The following SERPINA9 variants were observed in gnomAD, a reference collection of about 807,000 sequenced individuals.
The protein encoded by SERPINA9 is serpin family A member 9, also known as serpin A9.
A neutral mutation model predicts 24.5 loss-of-function variants in SERPINA9; 32 were observed. That is an observed-to-expected ratio of 1.30 (90% CI 0.98 to 1.75). The LOEUF (loss-of-function observed/expected upper bound fraction) is 1.75. Ranked by LOEUF, SERPINA9 falls within the 40% of genes most tolerant of loss-of-function variation. The pLI is 0.00. For synonymous variants in SERPINA9, 233 were observed against 197.7 expected (o/e 1.18, Z -1.50); for missense variants, 594 against 497.1 (o/e 1.19, Z -1.85).
chr14:94,475,899 G>C (rs186094640), intron 1 of SERPINA9: 2 of 563,358 alleles, frequency 3.6e-6, no homozygotes, highest in Non-Finnish European at 6.3e-6. Context: ...CAAGAGCTGT[G>C]TATTCATGGT....
At position 94,469,475 on chromosome 14, in the gene SERPINA9, A is replaced by G. The variant is rs1445019420; in HGVS notation, c.366T>C (p.Thr122=). 1.2e-6 allele frequency: 2 copies of G among 1,614,066 alleles called. No homozygotes were observed. The highest frequency in any genetic ancestry group is 2.7e-5 in the African/African-American group (2 of 74,926). The change falls in exon 2 of 5, where the codon ACT becomes ACC. Residue 122 remains threonine, a synonymous_variant. Coordinates refer to ENST00000674397, the MANE Select transcript of SERPINA9 (RefSeq NM_175739.4). ...TCAAGGTCAGGTCTTTGCTGGGAAC[A>G]GTCAGTGAGTGAACCAGGTGCTGGA... is the stretch of plus-strand genomic sequence containing the variant. The part of the protein sequence containing the change: ...QGFQHLVHSL[T]VPSKDLTLKM...
At chr14:94,467,995 G>C (rs1416480459) in intron 2 of SERPINA9, among the ~76,000 whole-genome samples, 1 of 150,828 alleles carries the variant, frequency 6.6e-6, no homozygotes, top group African/African-American at 2.4e-5. Context: ...TTTGCTGGAT[G>C]GGTAGATGAA....
intron 2 of SERPINA9, 29 bp from the exon 3 acceptor site, chr14:94,467,411 A>T (rs1899061587): frequency 3.8e-6 from 6 of 1,565,302 alleles, no homozygotes; most frequent in Non-Finnish European, 4.3e-6. Context: ...AGAAGTCTTT[A>T]TGTCAAAGTA....
chr14:94,472,972 G>A lies in SERPINA9; in HGVS notation c.-17-3115C>T, dbSNP rs142370212. 4.4e-4 allele frequency among the ~76,000 whole-genome samples: 67 copies of A among 152,312 alleles called. 1 individual carries two copies. The East Asian group carries it at 0.011, about 25-fold the overall frequency. The stretch of plus-strand genomic sequence containing the variant: ...TGGGGAGCAGGAGAGACCAGCTGCC[G>A]AGAGAGGGGGCCCCATGCAGGGATG... On this transcript the variant is annotated intron_variant, in intron 1 of 4. Transcript: ENST00000674397.
chr14:94,468,850 A>C lies in SERPINA9; in HGVS notation c.628+363T>G, dbSNP rs970609562. ...TGCTTCTTAAACTGGGTTGTCAGAGAGTTCCATGTTTCTTTCTAAAACTTT... is the reference window on the plus strand; with the variant it reads ...TGCTTCTTAAACTGGGTTGTCAGAGCGTTCCATGTTTCTTTCTAAAACTTT... On this transcript the variant is annotated intron_variant, in intron 2 of 4. Coordinates refer to ENST00000674397, the MANE Select transcript of SERPINA9 (RefSeq NM_175739.4). 2.6e-5 allele frequency among the ~76,000 whole-genome samples: 4 copies of C among 152,198 alleles called. No individual in the cohort carries two copies. The East Asian group carries it at 7.7e-4, about 29-fold the overall frequency.
At chr14:94,471,306 A>G (rs1899306408) in intron 1 of SERPINA9, among the ~76,000 whole-genome samples, 1 of 152,154 alleles carries the variant, frequency 6.6e-6, no homozygotes, top group African/African-American at 2.4e-5. Flanking sequence ...TAAGTGAACA[A>G]TTATTTTGCC....
In SERPINA9 at chr14:94,469,534, T is replaced by A; in HGVS notation, c.307A>T (p.Thr103Ser). 6.2e-7 allele frequency: 1 copy of A among 1,614,026 alleles called. No individual in the cohort carries two copies. The highest frequency in any genetic ancestry group is 1.3e-5 in the African/African-American group (1 of 74,992). The change falls in exon 2 of 5, where the codon ACA (threonine) becomes TCA (serine). Residue 103 changes from threonine (T) to serine (S), a missense_variant. Thr to Ser is a moderately conservative substitution (Grantham distance 58). Transcript: ENST00000674397. ...TGGATGGCAGACTCTGGTGTGTGTG[T>A]GAGGTTGAAGCCCAGGCCCTGGAGA... The part of the protein sequence containing the change: ...QILQGLGFNL[T>S]HTPESAIHQG...
chr14:94,470,189 AT>A (rs1452295705), intron 1 of SERPINA9: 1 of 1,050,070 alleles, frequency 9.5e-7, no homozygotes, highest in East Asian at 7.2e-5. Context: ...TCATGGACTT[AT>A]TTTTTAAGAA....
chr14:94,471,060 T>G (rs1370737829), intron 1 of SERPINA9, among the ~76,000 whole-genome samples: 1 of 151,972 alleles, frequency 6.6e-6, no homozygotes, highest in East Asian at 1.9e-4. Flanking sequence ...GGCTTTTCTC[T>G]TCTCACAAAT....
intron 2 of SERPINA9, among the ~76,000 whole-genome samples, chr14:94,467,864 G>A (rs946494853): frequency 1.3e-5 from 2 of 151,922 alleles, no homozygotes; most frequent in African/African-American, 4.8e-5. Context: ...TAGATTAGTG[G>A]ATAGGTGGTT....
intron 3 of SERPINA9, among the ~76,000 whole-genome samples, chr14:94,466,709 C>T (rs1309127953): frequency 6.6e-6 from 1 of 152,162 alleles, no homozygotes; most frequent in African/African-American, 2.4e-5. Context: ...TTTCACCAAC[C>T]TTTGGATTTG....
At chr14:94,475,612 A>G (rs1899573258) in intron 1 of SERPINA9, among the ~76,000 whole-genome samples, 1 of 151,974 alleles carries the variant, frequency 6.6e-6, no homozygotes, top group African/African-American at 2.4e-5. Flanking sequence ...TCCACCAATA[A>G]AGCAGAGGAT....
At chr14:94,476,015 G>C (rs572810238) in intron 1 of SERPINA9, 121 bp downstream of exon 1, 2 of 1,477,148 alleles carry the variant, frequency 1.4e-6, no homozygotes. Context: ...ATGTGTCTAG[G>C]TTCTCATCTT....
intron 1 of SERPINA9, among the ~76,000 whole-genome samples, chr14:94,472,371 CG>C (rs10711507): frequency 0.076 from 11,514 of 152,224 alleles, 517 homozygotes; most frequent in Middle Eastern, 0.2. Context: ...TAGCTATTAC[CG>C]GCTTGAGAGG....
chr14:94,474,799 T>C (rs2139824818), intron 1 of SERPINA9, among the ~76,000 whole-genome samples: 1 of 152,186 alleles, frequency 6.6e-6, no homozygotes, highest in Non-Finnish European at 1.5e-5. Flanking sequence ...ACAGCCTGCA[T>C]TCCACCTTCC....
chr14:94,463,183 G>A lies in SERPINA9; in HGVS notation c.1164C>T (p.Ser388=), dbSNP rs768473338. 3.1e-6 allele frequency: 5 copies of A among 1,614,184 alleles called. No individual in the cohort carries two copies. The highest frequency in any genetic ancestry group is 4.2e-6 in the Non-Finnish European group (5 of 1,179,986). The part of the protein sequence containing the change: ...SKDGPSYFTV[S]FNRTFLMMIT... ...TCATCATCAGGAAGGTCCTATTGAA[G>A]GAGACAGTGAAGTAAGAGGGGCCAT... is the stretch of plus-strand genomic sequence containing the variant. The change falls in exon 5 of 5, where the codon TCC becomes TCT. Residue 388 remains serine, a synonymous_variant. Coordinates refer to ENST00000674397, the MANE Select transcript of SERPINA9 (RefSeq NM_175739.4).
chr14:94,464,518 A>G (rs970264646), intron 4 of SERPINA9, 189 bp downstream of exon 4: 2 of 559,518 alleles, frequency 3.6e-6, no homozygotes, highest in Admixed American at 6.8e-5. Context: ...TTGTGTGAAG[A>G]GGGATAACAG....
rs1003040782 is a variant in SERPINA9 at position 94,467,074 on chromosome 14, G to C, written c.902+35C>G. The C allele has an allele frequency of 5.6e-6, 9 of 1,599,206 alleles. 1 individual carries two copies. Among genetic ancestry groups the C allele is most frequent in the Non-Finnish European group, 2.6e-6 (3 of 1,171,968 alleles). ...TCATCTTTGAATGTGTGCATCCCCT[G>C]CCTCAGGGCCCAGGAGATTGACACA... On this transcript the variant is annotated intron_variant, in intron 3 of 4. Coordinates refer to ENST00000674397, the MANE Select transcript of SERPINA9 (RefSeq NM_175739.4).
chr14:94,472,373 G>T (rs1595671645), intron 1 of SERPINA9, among the ~76,000 whole-genome samples: 1 of 130,034 alleles, frequency 7.7e-6, no homozygotes, highest in Admixed American at 7.7e-5. Context: ...GCTATTACCG[G>T]CTTGAGAGGC....
Sources: allele counts gnomAD v4.1 joint callset (sites outside exome capture counted in the v4.1 genomes callset), GRCh38; gene constraint gnomAD v4.1.1; transcripts MANE v1.5; gene names NCBI Gene and HGNC (gene_info 2026-07-23, HGNC 2026-07-21).